The following ARHGAP42 variants were observed in gnomAD, a reference collection of about 807,000 sequenced individuals.
ARHGAP42 encodes Rho GTPase activating protein 42.
ARHGAP42 carries 63 observed loss-of-function variants against 125.0 expected under a neutral mutation model. The ratio of observed to expected loss-of-function variants is 0.50; its 90% CI spans 0.41 to 0.62. ARHGAP42 has a LOEUF of 0.62. Among genes scored for constraint, ARHGAP42 ranks in the 20% least tolerant of loss-of-function variants. ARHGAP42 has a pLI of 0.00. For synonymous variants in ARHGAP42, 339 were observed against 351.0 expected (o/e 0.97, Z 0.38); for missense variants, 766 against 1,024.2 (o/e 0.75, Z 3.44).
intron 10 of ARHGAP42, among the ~76,000 whole-genome samples, chr11:100,945,144 C>T (rs1176733231): frequency 6.6e-6 from 1 of 151,984 alleles, no homozygotes; most frequent in Non-Finnish European, 1.5e-5. Flanking sequence ...CTCAGTAAAC[C>T]ACTTTCTTTG....
chr11:100,793,769 A>C (rs1863633636), intron 2 of ARHGAP42, among the ~76,000 whole-genome samples: 1 of 152,102 alleles, frequency 6.6e-6, no homozygotes, highest in Admixed American at 6.5e-5. Flanking sequence ...GTGAGTAGGA[A>C]TCTAACAAAT....
At chr11:100,938,042 A>G (rs961020387) in intron 8 of ARHGAP42, among the ~76,000 whole-genome samples, 1 of 133,632 alleles carries the variant, frequency 7.5e-6, no homozygotes. Context: ...TGTGGTACTG[A>G]CCTCTTCTCT....
chr11:100,832,867 A>C (rs928615987), intron 3 of ARHGAP42, among the ~76,000 whole-genome samples: 1 of 152,220 alleles, frequency 6.6e-6, no homozygotes, highest in African/African-American at 2.4e-5. Flanking sequence ...CCTGAATCCA[A>C]GTAATTGGCT....
intron 3 of ARHGAP42, among the ~76,000 whole-genome samples, chr11:100,840,208 G>A (rs906029829): frequency 1.3e-5 from 2 of 151,936 alleles, no homozygotes; most frequent in Non-Finnish European, 2.9e-5. Flanking sequence ...CAAATGATGC[G>A]TCCCCTACAA....
intron 1 of ARHGAP42, among the ~76,000 whole-genome samples, chr11:100,762,826 G>A (rs1399329838): frequency 6.6e-6 from 1 of 152,040 alleles, no homozygotes; most frequent in Non-Finnish European, 1.5e-5. Context: ...AAAGCAAGGC[G>A]TAGTTGATGT....
intron 1 of ARHGAP42, among the ~76,000 whole-genome samples, chr11:100,698,119 A>G (rs1157288592): frequency 1.3e-5 from 2 of 152,144 alleles, no homozygotes; most frequent in African/African-American, 4.8e-5. Flanking sequence ...TCCAACTTCT[A>G]GCCTCAAGCC....
intron 4 of ARHGAP42, among the ~76,000 whole-genome samples, chr11:100,871,723 T>C (rs1450497434): frequency 6.6e-6 from 1 of 152,226 alleles, no homozygotes; most frequent in East Asian, 1.9e-4. Context: ...TGTCAGCATT[T>C]GCTGAACATC....
intron 5 of ARHGAP42, among the ~76,000 whole-genome samples, chr11:100,917,359 A>G (rs1448920360): frequency 2.0e-5 from 3 of 151,910 alleles, no homozygotes; most frequent in Non-Finnish European, 4.4e-5. Flanking sequence ...CTACTTTCAC[A>G]TTGTTTATAA....
chr11:100,898,454 A>G (rs1191766450), intron 4 of ARHGAP42, among the ~76,000 whole-genome samples: 6 of 152,140 alleles, frequency 3.9e-5, no homozygotes, highest in Admixed American at 3.3e-4. Flanking sequence ...GAATTCGGCT[A>G]TGAATCTATC....
In ARHGAP42 at chr11:100,936,358, G is replaced by A. The variant is rs371276657; in HGVS notation, c.832+26G>A. The A allele has an allele frequency of 1.5e-3, 2,390 of 1,551,148 alleles. 4 individuals are homozygous for A. The highest frequency in any genetic ancestry group is 3.2e-3 in the South Asian group (272 of 84,014). On this transcript the variant is annotated intron_variant, in intron 8 of 23. Coordinates refer to ENST00000298815, the MANE Select transcript of ARHGAP42 (RefSeq NM_152432.4). ...GTGAGTCACAAAGACATAATTTCACGTCTCTTATGACTTAGCCACGATCAT... is the reference window on the plus strand; with the variant it reads ...GTGAGTCACAAAGACATAATTTCACATCTCTTATGACTTAGCCACGATCAT...
intron 12 of ARHGAP42, among the ~76,000 whole-genome samples, chr11:100,959,609 A>T (rs1857903096): frequency 6.6e-6 from 1 of 152,144 alleles, no homozygotes; most frequent in Non-Finnish European, 1.5e-5. Context: ...AACACGTAGT[A>T]AAGGAGTAAT....
At chr11:100,964,684 T>C (rs1434624612) in intron 16 of ARHGAP42, among the ~76,000 whole-genome samples, 4 of 152,224 alleles carry the variant, frequency 2.6e-5, no homozygotes, top group African/African-American at 4.8e-5. Flanking sequence ...CCAGCAGACA[T>C]GTCAACATCT....
intron 17 of ARHGAP42, among the ~76,000 whole-genome samples, chr11:100,970,950 G>A (rs765192524): frequency 6.6e-6 from 1 of 152,006 alleles, no homozygotes; most frequent in African/African-American, 2.4e-5. Flanking sequence ...GAGATAGAGG[G>A]CCTGAGATAT....
At chr11:100,849,275 T>C (rs1565240754) in intron 3 of ARHGAP42, among the ~76,000 whole-genome samples, 1 of 152,178 alleles carries the variant, frequency 6.6e-6, no homozygotes, top group Non-Finnish European at 1.5e-5. Flanking sequence ...AAAGAGGCTC[T>C]TTACTTCCTT....
chr11:100,965,811 T>C (rs1309141154), intron 17 of ARHGAP42, 35 bp downstream of exon 17: 26 of 1,488,818 alleles, frequency 1.7e-5, no homozygotes, highest in Non-Finnish European at 2.2e-5. Flanking sequence ...ATTTAACTTA[T>C]TGTTCATTGT....
At chr11:100,882,652 G>A (rs529020022) in intron 4 of ARHGAP42, among the ~76,000 whole-genome samples, 157 of 152,104 alleles carry the variant, frequency 1.0e-3, no homozygotes, top group African/African-American at 3.7e-3. Context: ...CTCTCTTGTG[G>A]AATAGTGTCA....
chr11:100,779,445 CAAA>C (rs869248095), intron 2 of ARHGAP42, among the ~76,000 whole-genome samples: 45 of 54,452 alleles, frequency 8.3e-4, no homozygotes, highest in African/African-American at 2.7e-3. Flanking sequence ...GACTGCGTCT[CAAA>C]AAAAAAAAAA....
chr11:100,933,985 C>G (rs1867656591), intron 7 of ARHGAP42, among the ~76,000 whole-genome samples: 1 of 152,116 alleles, frequency 6.6e-6, no homozygotes, highest in African/African-American at 2.4e-5. Flanking sequence ...CGGGGTTTCA[C>G]CATGTTGGTC....
rs1282700244 is a variant in ARHGAP42, at chr11:100,943,819, A to T, written c.994A>T (p.Thr332Ser). 3.2e-6 allele frequency: 5 copies of T among 1,549,868 alleles called. No homozygotes were observed. In the South Asian group the frequency reaches 4.8e-5, roughly 15 times the overall value. The stretch of plus-strand genomic sequence containing the variant: ...ATTAAAATCTTGTATCCGACGAAAG[A>T]CAGATTCAATTGACAAACGATTCTG... ...FKLKSCIRRKTDSIDKRFCFD... is the reference protein window; with the variant it reads ...FKLKSCIRRKSDSIDKRFCFD... Residue 332 changes from threonine to serine, a missense_variant, in exon 10 of 24, where the codon ACA becomes TCA. Physicochemically the swap from Thr to Ser is moderately conservative, Grantham distance 58 (BLOSUM62 1). This residue lies in a region of ARHGAP42 where 455 missense variants were observed against 636.5 expected (regional missense o/e 0.71). Coordinates refer to ENST00000298815, the MANE Select transcript of ARHGAP42 (RefSeq NM_152432.4).
Sources: gnomAD v4.1 joint callset for allele counts (sites outside exome capture counted in the v4.1 genomes callset) on GRCh38, gnomAD v4.1.1 for gene constraint, gnomAD v4.1.1 regional missense constraint, MANE v1.5 for transcripts, NCBI Gene and HGNC (gene_info 2026-07-23, HGNC 2026-07-21) for gene names.